TRAP1: variants seen among roughly 807,000 people sequenced by gnomAD.
TRAP1 encodes heat shock protein 75 kDa, mitochondrial.
In TRAP1, 102 loss-of-function variants were observed where a neutral mutation model predicts 89.1. The ratio of observed to expected loss-of-function variants is 1.15; its 90% CI spans 0.98 to 1.35. The LOEUF is 1.35. Among genes scored for constraint, TRAP1 ranks in the 40% most tolerant of loss-of-function variants. The pLI is 0.00. For missense variants in TRAP1, 1,256 were observed against 945.3 expected, an observed-to-expected ratio of 1.33 and a Z score of -4.31; for synonymous variants, 508 against 388.0, an observed-to-expected ratio of 1.31 and a Z score of -3.64.
chr16:3,710,887 T>A, intron 1 of TRAP1, among the ~76,000 whole-genome samples: 1 of 145,272 alleles, frequency 6.9e-6, no homozygotes, highest in Non-Finnish European at 1.5e-5. Context: ...ATATTTTTTT[T>A]TTTGAGACAC....
At chr16:3,695,249 T>C (rs1031832819) in intron 1 of TRAP1, among the ~76,000 whole-genome samples, 4 of 152,018 alleles carry the variant, frequency 2.6e-5, no homozygotes, top group Admixed American at 1.3e-4. Flanking sequence ...AACCAGCATA[T>C]GTACAGAGAA....
In TRAP1 at chr16:3,704,849, A is replaced by T. The variant is rs550839495; in HGVS notation, c.88+12572T>A. 2.7e-4 allele frequency among the ~76,000 whole-genome samples: 39 copies of T among 146,812 alleles called. 1 individual carries two copies. In the South Asian group the frequency reaches 3.4e-3, roughly 13 times the overall value. ...GGCAACATAGCAAGACCAACCTCTT[A>T]TTTTTTTTTTTTTAATTTCCGCTGT... is the stretch of plus-strand genomic sequence containing the variant. On this transcript the variant is annotated intron_variant, in intron 1 of 17. Coordinates refer to ENST00000246957, the MANE Select transcript of TRAP1 (RefSeq NM_016292.3).
chr16:3,663,148 C>T, intron 14 of TRAP1, 181 bp from the exon 15 acceptor site: 1 of 660,332 alleles, frequency 1.5e-6, no homozygotes, highest in Non-Finnish European at 2.5e-6. Flanking sequence ...GCCTGAGGCC[C>T]ATACAACTTG....
intron 1 of TRAP1, among the ~76,000 whole-genome samples, chr16:3,712,941 G>A (rs1006741154): frequency 6.6e-6 from 1 of 152,150 alleles, no homozygotes; most frequent in African/African-American, 2.4e-5. Context: ...CAGGCACTCA[G>A]ATAACTCAGT....
rs1484836670 is a variant in TRAP1, at chr16:3,672,728, G to A, written c.1137C>T (p.Ile379=). ...KVLIQTKATD[I]LPKWLRFIRG... ...GGATGAAGCGCAGCCACTTGGGCAG[G>A]ATGTCCGTGGCCTTGGTCTGGATGA... The change falls in exon 10 of 18, where the codon ATC becomes ATT. Residue 379 remains isoleucine, a synonymous_variant. Transcript: ENST00000246957. The A allele has an allele frequency of 6.2e-7, 1 of 1,610,306 alleles. No individual in the cohort carries two copies.
At chr16:3,668,205 A>G (rs1216378741) in intron 11 of TRAP1, among the ~76,000 whole-genome samples, 2 of 151,972 alleles carry the variant, frequency 1.3e-5, no homozygotes, top group African/African-American at 4.8e-5. Context: ...TACAGGAGTG[A>G]GCCATTGCGC....
intron 15 of TRAP1, 194 bp downstream of exon 15, chr16:3,662,688 C>CA (rs2043154813): frequency 1.4e-6 from 1 of 697,644 alleles, no homozygotes; most frequent in Non-Finnish European, 2.6e-6. Context: ...GGGAGAAAGA[C>CA]ACGGCCTTCC....
At chr16:3,715,127 A>T (rs1300786168) in intron 1 of TRAP1, among the ~76,000 whole-genome samples, 1 of 152,212 alleles carries the variant, frequency 6.6e-6, no homozygotes, top group Non-Finnish European at 1.5e-5. Context: ...ACGAGAGGAG[A>T]GAGACAATTT....
chr16:3,713,021 C>T (rs955003202), intron 1 of TRAP1, among the ~76,000 whole-genome samples: 18 of 152,162 alleles, frequency 1.2e-4, no homozygotes, highest in East Asian at 3.9e-4. Context: ...CTTCCTCTGC[C>T]GTCTAAGTGC....
At chr16:3,694,394 A>T (rs2051258853) in intron 1 of TRAP1, among the ~76,000 whole-genome samples, 1 of 151,526 alleles carries the variant, frequency 6.6e-6, no homozygotes. Flanking sequence ...TCCAGGCTGG[A>T]GTGCAGGGGC....
chr16:3,688,215 G>C (rs746419394), intron 3 of TRAP1, among the ~76,000 whole-genome samples: 2 of 151,928 alleles, frequency 1.3e-5, no homozygotes, highest in Non-Finnish European at 2.9e-5. Context: ...TGCCTAGGCT[G>C]GTCTCAGACT....
intron 9 of TRAP1, among the ~76,000 whole-genome samples, chr16:3,673,247 C>T (rs12444804): frequency 1.3e-5 from 2 of 152,172 alleles, no homozygotes; most frequent in Admixed American, 6.5e-5. Flanking sequence ...TCTCATGAGA[C>T]GTGAAGATGA....
chr16:3,669,502 C>T (rs1258259492), intron 11 of TRAP1, among the ~76,000 whole-genome samples: 1 of 152,106 alleles, frequency 6.6e-6, no homozygotes, highest in Non-Finnish European at 1.5e-5. Flanking sequence ...TAACCCCACC[C>T]CTAGTATTCT....
At chr16:3,669,960 T>C (rs937993255) in intron 11 of TRAP1, among the ~76,000 whole-genome samples, 1 of 151,770 alleles carries the variant, frequency 6.6e-6, no homozygotes. Context: ...CAGTAAACTA[T>C]GGTACATCCC....
intron 1 of TRAP1, among the ~76,000 whole-genome samples, chr16:3,713,890 G>A (rs1206167747): frequency 6.6e-6 from 1 of 152,224 alleles, no homozygotes; most frequent in Non-Finnish European, 1.5e-5. Flanking sequence ...GCCCAGGGCT[G>A]GCTCTGTGAC....
At chr16:3,663,361 G>A (rs2050733005) in intron 14 of TRAP1, 63 bp downstream of exon 14, 4 of 1,602,350 alleles carry the variant, frequency 2.5e-6, no homozygotes, top group Non-Finnish European at 3.4e-6. Context: ...CCTCGCTGCG[G>A]GGCAGGAGAG....
At chr16:3,715,164 C>T (rs1373928691) in intron 1 of TRAP1, among the ~76,000 whole-genome samples, 1 of 152,248 alleles carries the variant, frequency 6.6e-6, no homozygotes, top group Non-Finnish European at 1.5e-5. Context: ...AAGGGCTGGG[C>T]ACAGCGGCTC....
chr16:3,704,869 C>T (rs941787535), intron 1 of TRAP1, among the ~76,000 whole-genome samples: 2 of 151,264 alleles, frequency 1.3e-5, no homozygotes, highest in African/African-American at 4.9e-5. Flanking sequence ...TTTTAATTTC[C>T]GCTGTCACTT....
intron 1 of TRAP1, among the ~76,000 whole-genome samples, chr16:3,697,484 GA>G (rs2051305398): frequency 1.3e-5 from 2 of 151,984 alleles, no homozygotes; most frequent in African/African-American, 2.4e-5. Flanking sequence ...CTAACACGGT[GA>G]AACCCCGTCT....
Sources: gnomAD v4.1 joint callset for allele counts (sites outside exome capture counted in the v4.1 genomes callset) on GRCh38, gnomAD v4.1.1 for gene constraint, MANE v1.5 for transcripts, NCBI Gene and HGNC (gene_info 2026-07-23, HGNC 2026-07-21) for gene names.